The following MECOM variants were observed in gnomAD, a reference collection of about 807,000 sequenced individuals.
The protein encoded by MECOM is MDS1 and EVI1 complex locus, also known as histone-lysine N-methyltransferase MECOM.
A neutral mutation model predicts 116.3 loss-of-function variants in MECOM; 13 were observed. The observed-to-expected ratio is 0.11, with a 90% CI of 0.07 to 0.18. The LOEUF is 0.18. Ranked by LOEUF, MECOM falls within the 10% of genes least tolerant of loss-of-function variation. The pLI, the probability that MECOM is intolerant of heterozygous loss-of-function variation, is 1.00. For missense variants in MECOM, 1,299 were observed against 1,509.0 expected (o/e 0.86, Z 2.31); for synonymous variants, 528 against 535.2 (o/e 0.99, Z 0.19).
At chr3:169,612,649 C>T (rs1769432251) in intron 1 of MECOM, among the ~76,000 whole-genome samples, 1 of 151,872 alleles carries the variant, frequency 6.6e-6, no homozygotes, top group Non-Finnish European at 1.5e-5. Flanking sequence ...TTCTTTTGAA[C>T]CAGGAAATTG....
chr3:169,575,401 A>G (rs945966928), intron 1 of MECOM, among the ~76,000 whole-genome samples: 2 of 152,148 alleles, frequency 1.3e-5, no homozygotes, highest in Non-Finnish European at 2.9e-5. Context: ...GGACTGAAAA[A>G]GACCAGGCAC....
At chr3:169,177,749 T>C (rs935915776) in intron 2 of MECOM, among the ~76,000 whole-genome samples, 1 of 151,782 alleles carries the variant, frequency 6.6e-6, no homozygotes, top group Non-Finnish European at 1.5e-5. Context: ...AAATACTGTC[T>C]CTACTAAAAA....
chr3:169,122,045 T>C (rs561520279), intron 6 of MECOM, among the ~76,000 whole-genome samples: 2 of 152,328 alleles, frequency 1.3e-5, no homozygotes, highest in East Asian at 3.9e-4. Flanking sequence ...ATGGTCTAAG[T>C]TGAGTACTTC....
chr3:169,253,015 C>T (rs1276662500), intron 2 of MECOM, among the ~76,000 whole-genome samples: 1 of 152,074 alleles, frequency 6.6e-6, no homozygotes, highest in Admixed American at 6.6e-5. Flanking sequence ...CTATAAGATC[C>T]ATTTGACATT....
rs1280629710 is a variant in MECOM, at chr3:169,183,757, TACATACACACAC to T, written c.376-39937_376-39926del. 5.2e-3 allele frequency among the ~76,000 whole-genome samples: 440 copies of T among 84,548 alleles called. 2 individuals carry two copies. Among genetic ancestry groups the T allele is most frequent in the East Asian group, 0.018 (55 of 3,092 alleles). 55.5% of individuals were successfully genotyped at this position (84,548 alleles called of 152,430 possible). ...TACGTTAAGGACTGTAGAAGATACA[TACATACACACAC>T]ACACACACACACACACACACACACA... is the stretch of plus-strand genomic sequence containing the variant. On this transcript the variant is annotated intron_variant, in intron 2 of 16. Coordinates refer to ENST00000651503, the MANE Select transcript of MECOM (RefSeq NM_004991.4).
intron 3 of MECOM, among the ~76,000 whole-genome samples, chr3:169,134,164 C>G (rs1735667937): frequency 6.6e-6 from 1 of 152,144 alleles, no homozygotes. Context: ...TTAATCATGT[C>G]TCTTTTAATT....
At chr3:169,629,358 C>G (rs980983487) in intron 1 of MECOM, among the ~76,000 whole-genome samples, 1 of 151,982 alleles carries the variant, frequency 6.6e-6, no homozygotes, top group African/African-American at 2.4e-5. Flanking sequence ...TTTCTAGCCT[C>G]TGTGTATCTG....
At chr3:169,304,813 C>T (rs1386202627) in intron 2 of MECOM, among the ~76,000 whole-genome samples, 2 of 152,026 alleles carry the variant, frequency 1.3e-5, no homozygotes, top group Non-Finnish European at 2.9e-5. Flanking sequence ...TCTGTTTTGT[C>T]TCTTAAAATG....
At position 169,315,700 on chromosome 3, in the gene MECOM, C is replaced by T. The variant is rs571851814; in HGVS notation, c.375+65487G>A. On this transcript the variant is annotated intron_variant, in intron 2 of 16. Transcript: ENST00000651503. ...ACACATTGTCACTGAACCCAAAGAG[C>T]GCCAGATTAAAACCAGTTTGCAATT... Among the ~76,000 whole-genome samples the T allele has an allele frequency of 3.3e-5, 5 of 152,254 alleles. No homozygotes were observed. In the East Asian group the frequency reaches 9.7e-4, roughly 29 times the overall value.
rs934889796 is a variant in MECOM, at chr3:169,381,135, T to C, written c.375+52A>G. 5.4e-6 allele frequency: 8 copies of C among 1,480,882 alleles called. No homozygotes were observed. The African/African-American group carries it at 7.0e-5, about 13-fold the overall frequency. 91.7% of individuals were successfully genotyped at this position (1,480,882 alleles called of 1,614,324 possible). A position where few individuals can be genotyped will look rare whatever the true frequency, so the allele number is the denominator to read the frequency against. On this transcript the variant is annotated intron_variant, in intron 2 of 16. Transcript: ENST00000651503. The stretch of plus-strand genomic sequence containing the variant: ...ATTTTGTGGATGCTTAAACAATCTC[T>C]TCTTTACACAGCTGCAATATATAAA...
At position 169,663,693 on chromosome 3, in the gene MECOM, C is replaced by A. The variant is rs892468353; in HGVS notation, c.-321G>T. ...GACACCTTCGCACATGCGCGCTAGA[C>A]GCCCCTCCAACATCTCAGCGCCGCC... On this transcript the variant is annotated 5_prime_UTR_variant, in exon 1 of 17. Transcript: ENST00000651503. The A allele has an allele frequency of 2.8e-6, 1 of 361,790 alleles. No homozygotes were observed. Among genetic ancestry groups the A allele is most frequent in the East Asian group, 4.1e-5 (1 of 24,632 alleles). The allele number at this position is 361,790 out of a possible 1,614,324, so 22.4% of individuals were successfully genotyped here.
chr3:169,383,318 A>AT (rs1450652877), intron 1 of MECOM, among the ~76,000 whole-genome samples: 5 of 152,176 alleles, frequency 3.3e-5, no homozygotes, highest in African/African-American at 1.2e-4. Flanking sequence ...GGTTCTCAAC[A>AT]TACAAGCTCA....
At chr3:169,259,880 C>G (rs1757336779) in intron 2 of MECOM, among the ~76,000 whole-genome samples, 1 of 152,210 alleles carries the variant, frequency 6.6e-6, no homozygotes, top group African/African-American at 2.4e-5. Context: ...ACAGTGTGGG[C>G]TTGAATCCCA....
chr3:169,439,337 T>C (rs1256790258), intron 1 of MECOM, among the ~76,000 whole-genome samples: 1 of 147,678 alleles, frequency 6.8e-6, no homozygotes, highest in Admixed American at 6.8e-5. Flanking sequence ...ATTAATATTA[T>C]TAATATTATT....
chr3:169,559,499 A>C (rs969304106), intron 1 of MECOM, among the ~76,000 whole-genome samples: 2 of 152,224 alleles, frequency 1.3e-5, no homozygotes, highest in Non-Finnish European at 1.5e-5. Flanking sequence ...CCACACCTGC[A>C]CACCTCCTGG....
chr3:169,181,550 T>C (rs2149396773), intron 2 of MECOM, among the ~76,000 whole-genome samples: 1 of 152,282 alleles, frequency 6.6e-6, no homozygotes, highest in East Asian at 1.9e-4. Context: ...AAAAACCTGC[T>C]ACTAAAAATA....
intron 9 of MECOM, among the ~76,000 whole-genome samples, chr3:169,111,398 A>G (rs985960081): frequency 1.3e-5 from 2 of 152,174 alleles, no homozygotes; most frequent in Non-Finnish European, 2.9e-5. Context: ...GTATTTATTT[A>G]TAATTATAAA....
At chr3:169,207,721 C>CA (rs1750134365) in intron 2 of MECOM, among the ~76,000 whole-genome samples, 1 of 152,110 alleles carries the variant, frequency 6.6e-6, no homozygotes, top group African/African-American at 2.4e-5. Flanking sequence ...TTCAAAGGCT[C>CA]AAAAATCACA....
chr3:169,494,720 A>G (rs1463442912), intron 1 of MECOM, among the ~76,000 whole-genome samples: 1 of 152,180 alleles, frequency 6.6e-6, no homozygotes, highest in Non-Finnish European at 1.5e-5. Context: ...GGGACCCTGG[A>G]GCATCTGTAT....
Sources: allele counts gnomAD v4.1 joint callset (sites outside exome capture counted in the v4.1 genomes callset), GRCh38; gene constraint gnomAD v4.1.1; transcripts MANE v1.5; gene names NCBI Gene and HGNC (gene_info 2026-07-23, HGNC 2026-07-21).